The following NR6A1 variants were observed in gnomAD, a reference collection of about 807,000 sequenced individuals.
NR6A1 encodes nuclear receptor subfamily 6 group A member 1, also known as retinoic acid receptor-related testis-associated receptor.
NR6A1 carries 7 observed loss-of-function variants against 59.1 expected under a neutral mutation model. That is an observed-to-expected ratio of 0.12 (90% CI 0.07 to 0.22). NR6A1 has a LOEUF of 0.22. NR6A1 is among the 10% of genes least tolerant of loss of function. The pLI is 1.00. For synonymous variants in NR6A1, 243 were observed against 236.1 expected (o/e 1.03, Z -0.27); for missense variants, 468 against 611.6 (o/e 0.77, Z 2.48).
chr9:124,556,356 C>T (rs569587820), intron 2 of NR6A1, among the ~76,000 whole-genome samples: 35 of 152,140 alleles, frequency 2.3e-4, no homozygotes, highest in African/African-American at 7.7e-4. Flanking sequence ...CAAGGAATGA[C>T]GGCAGTCACC....
intron 2 of NR6A1, among the ~76,000 whole-genome samples, chr9:124,702,690 C>G (rs1838999490): frequency 6.6e-6 from 1 of 152,084 alleles, no homozygotes; most frequent in Non-Finnish European, 1.5e-5. Context: ...CTCTCTTGCT[C>G]TTTCTCTTGC....
At chr9:124,770,006 G>C (rs1037859761) in intron 1 of NR6A1, 1 of 152,324 alleles carries the variant, frequency 6.6e-6, no homozygotes, top group Admixed American at 6.5e-5. Flanking sequence ...AGGGGAGGAG[G>C]GCGAGGAAGC....
At chr9:124,567,000 T>C (rs980025474) in intron 2 of NR6A1, among the ~76,000 whole-genome samples, 32 of 149,720 alleles carry the variant, frequency 2.1e-4, no homozygotes, top group Admixed American at 1.6e-3. Flanking sequence ...CCCAGCTACT[T>C]GGGAGGCTGA....
chr9:124,710,277 A>T (rs1357422440), intron 2 of NR6A1, among the ~76,000 whole-genome samples: 1 of 152,214 alleles, frequency 6.6e-6, no homozygotes, highest in Non-Finnish European at 1.5e-5. Flanking sequence ...AATTCCTTAA[A>T]AAAATCATTT....
intron 2 of NR6A1, among the ~76,000 whole-genome samples, chr9:124,648,238 C>T (rs1836995421): frequency 6.6e-6 from 1 of 152,100 alleles, no homozygotes. Context: ...CCACCACACG[C>T]CTGTAATCCA....
At chr9:124,647,465 C>T (rs919149468) in intron 2 of NR6A1, among the ~76,000 whole-genome samples, 3 of 152,108 alleles carry the variant, frequency 2.0e-5, no homozygotes, top group Non-Finnish European at 2.9e-5. Context: ...CAGTGGTTCA[C>T]GCCTGTAATC....
chr9:124,519,423 A>C lies in NR6A1; in HGVS notation c.*3282T>G, dbSNP rs1832750811. ...ACGAGACCACCAAACCTTGCAAAGG[A>C]CTCCAAAAGTCTACAAAGGCAGCCA... On this transcript the variant is annotated 3_prime_UTR_variant, in exon 10 of 10. Transcript: ENST00000487099. 6.6e-6 allele frequency: 1 copy of C among 152,156 alleles called. No homozygotes were observed. The highest frequency in any genetic ancestry group is 2.4e-5 in the African/African-American group (1 of 41,424). The allele number at this position is 152,156 out of a possible 1,614,324, so 9.4% of individuals were successfully genotyped here.
At chr9:124,689,514 T>C (rs984402339) in intron 2 of NR6A1, among the ~76,000 whole-genome samples, 1 of 152,152 alleles carries the variant, frequency 6.6e-6, no homozygotes, top group Admixed American at 6.5e-5. Flanking sequence ...ACAAAAGCAA[T>C]GGGAGACAAG....
chr9:124,758,221 T>C (rs1038920405), intron 1 of NR6A1, among the ~76,000 whole-genome samples: 1 of 152,182 alleles, frequency 6.6e-6, no homozygotes, highest in Non-Finnish European at 1.5e-5. Flanking sequence ...GTAAAATGAT[T>C]GATGAATATT....
chr9:124,752,613 A>AT (rs1471288730), intron 1 of NR6A1, among the ~76,000 whole-genome samples: 2 of 152,144 alleles, frequency 1.3e-5, no homozygotes, highest in Non-Finnish European at 2.9e-5. Context: ...CTTTTCCAAC[A>AT]TTATCTAATG....
At chr9:124,568,114 C>T (rs1834323397) in intron 2 of NR6A1, among the ~76,000 whole-genome samples, 1 of 125,032 alleles carries the variant, frequency 8.0e-6, no homozygotes, top group Non-Finnish European at 1.6e-5. Context: ...GTGGAGGTTG[C>T]AGTGAGCTGA....
At position 124,590,530 on chromosome 9, in the gene NR6A1, G is replaced by A. The variant is rs375594013; in HGVS notation, c.143-35960C>T. ...TTTTCCTTCTTTGTAGATCAAAAAG[G>A]AGATCTGTAGTTTAGGTGAGGAATT... On this transcript the variant is annotated intron_variant, in intron 2 of 9. Transcript: ENST00000487099. Among the ~76,000 whole-genome samples, 5 of 152,272 alleles carry A rather than the reference G, an allele frequency of 3.3e-5. No individual in the cohort carries two copies. The East Asian group carries it at 7.7e-4, about 23-fold the overall frequency.
chr9:124,666,923 C>T (rs1837638968), intron 2 of NR6A1, among the ~76,000 whole-genome samples: 1 of 152,142 alleles, frequency 6.6e-6, no homozygotes, highest in Non-Finnish European at 1.5e-5. Flanking sequence ...CTTTATAGGG[C>T]TGTTGTAAGA....
rs535835873 is a variant in NR6A1, at chr9:124,585,849, T to C, written c.143-31279A>G. ...AAAATCCTAGGACCCTTAAGAATTA[T>C]GTTAAATCTACTCTACCTGTGTTCT... On this transcript the variant is annotated intron_variant, in intron 2 of 9. Coordinates refer to ENST00000487099, the MANE Select transcript of NR6A1 (RefSeq NM_033334.4). Among the ~76,000 whole-genome samples, 61 of 152,272 alleles carry C rather than the reference T, an allele frequency of 4.0e-4. No individual in the cohort carries two copies. In the South Asian group the frequency reaches 5.2e-3, roughly 13 times the overall value.
At position 124,649,233 on chromosome 9, in the gene NR6A1, C is replaced by CAAAAAAAA. The variant is rs78432505; in HGVS notation, c.142+84067_142+84074dup. Among the ~76,000 whole-genome samples, 36 of 41,360 alleles carry CAAAAAAAA rather than the reference C, an allele frequency of 8.7e-4. 1 individual carries two copies. Among genetic ancestry groups the CAAAAAAAA allele is most frequent in the East Asian group, 2.0e-3 (3 of 1,494 alleles). 27.1% of individuals were successfully genotyped at this position (41,360 alleles called of 152,430 possible). A position where few individuals can be genotyped will look rare whatever the true frequency, so the allele number is the denominator to read the frequency against. Reference sequence around the variant, plus strand: ...ATAGTAAGAAAGTGTGGTACTGGCACAAAAAAAAAAAAAAAAAAAAAAGAC... The same window carrying CAAAAAAAA: ...ATAGTAAGAAAGTGTGGTACTGGCACAAAAAAAAAAAAAAAAAAAAAAAAAAAAAAGAC... On this transcript the variant is annotated intron_variant, in intron 2 of 9. Coordinates refer to ENST00000487099, the MANE Select transcript of NR6A1 (RefSeq NM_033334.4).
At chr9:124,638,127 G>GT (rs1836668699) in intron 2 of NR6A1, among the ~76,000 whole-genome samples, 1 of 151,730 alleles carries the variant, frequency 6.6e-6, no homozygotes, top group East Asian at 2.0e-4. Context: ...GGTGGCTTGT[G>GT]TACCTGTAGT....
At chr9:124,583,456 T>G (rs1834830822) in intron 2 of NR6A1, among the ~76,000 whole-genome samples, 1 of 152,160 alleles carries the variant, frequency 6.6e-6, no homozygotes, top group Admixed American at 6.5e-5. Context: ...CATCTAGGCC[T>G]CTAGTTCTGA....
At chr9:124,748,575 C>T (rs1840401774) in intron 1 of NR6A1, among the ~76,000 whole-genome samples, 1 of 152,158 alleles carries the variant, frequency 6.6e-6, no homozygotes, top group Non-Finnish European at 1.5e-5. Context: ...AAGAACTTAA[C>T]TTAAGCCGGG....
At chr9:124,591,304 C>T (rs996056648) in intron 2 of NR6A1, among the ~76,000 whole-genome samples, 3 of 152,188 alleles carry the variant, frequency 2.0e-5, no homozygotes, top group South Asian at 2.1e-4. Context: ...ATTCCCATAG[C>T]GGTCCTGTGA....
Sources: gnomAD v4.1 joint callset for allele counts (sites outside exome capture counted in the v4.1 genomes callset) on GRCh38, gnomAD v4.1.1 for gene constraint, MANE v1.5 for transcripts, NCBI Gene and HGNC (gene_info 2026-07-23, HGNC 2026-07-21) for gene names.